Variants in DCDC1 observed in about 807,000 individuals in gnomAD.
The protein encoded by DCDC1 is doublecortin domain-containing protein 1.
A neutral mutation model predicts 178.3 loss-of-function variants in DCDC1; 200 were observed. That is an observed-to-expected ratio of 1.12 (90% CI 1.00 to 1.26). DCDC1 has a LOEUF of 1.26. Among genes scored for constraint, DCDC1 ranks in the 50% most tolerant of loss-of-function variants. The pLI is 0.00. For missense variants in DCDC1, 1,983 were observed against 1,749.2 expected (o/e 1.13, Z -2.38); for synonymous variants, 690 against 604.8 (o/e 1.14, Z -2.07).
At chr11:31,051,658 G>A (rs1187838540) in intron 20 of DCDC1, among the ~76,000 whole-genome samples, 1 of 152,132 alleles carries the variant, frequency 6.6e-6, no homozygotes, top group Non-Finnish European at 1.5e-5. Context: ...AGAAGGGATT[G>A]GGGACCTATC....
intron 18 of DCDC1, among the ~76,000 whole-genome samples, chr11:31,066,303 C>G (rs1956246141): frequency 6.6e-6 from 1 of 152,166 alleles, no homozygotes; most frequent in Non-Finnish European, 1.5e-5. Context: ...TGCAACAGCA[C>G]TTTGCAATGG....
At chr11:31,129,789 A>C (rs2135949269) in intron 10 of DCDC1, among the ~76,000 whole-genome samples, 1 of 152,018 alleles carries the variant, frequency 6.6e-6, no homozygotes, top group South Asian at 2.1e-4. Flanking sequence ...CCTCCACCAA[A>C]TTCATCCACC....
At chr11:31,128,788 T>G (rs1962009501) in intron 10 of DCDC1, among the ~76,000 whole-genome samples, 1 of 152,194 alleles carries the variant, frequency 6.6e-6, no homozygotes, top group South Asian at 2.1e-4. Context: ...CTGTCTAACC[T>G]ACAGTAAGTG....
At chr11:31,214,422 TA>T (rs1225601057) in intron 9 of DCDC1, among the ~76,000 whole-genome samples, 1 of 152,218 alleles carries the variant, frequency 6.6e-6, no homozygotes, top group Non-Finnish European at 1.5e-5. Flanking sequence ...AATTTGATTT[TA>T]ATTTTTTTTT....
At chr11:31,324,708 A>T (rs999358534) in intron 3 of DCDC1, among the ~76,000 whole-genome samples, 4 of 152,150 alleles carry the variant, frequency 2.6e-5, no homozygotes, top group African/African-American at 9.7e-5. Flanking sequence ...AAGTTGCTAA[A>T]CTTAAACTGT....
chr11:30,976,278 G>T (rs2134740111), intron 20 of DCDC1, among the ~76,000 whole-genome samples: 1 of 152,120 alleles, frequency 6.6e-6, no homozygotes, highest in East Asian at 1.9e-4. Context: ...TCTGTCTATG[G>T]ATATTATGGC....
chr11:30,945,697 AATCT>A (rs57930562), intron 21 of DCDC1, among the ~76,000 whole-genome samples: 55,457 of 146,470 alleles, frequency 0.38, 10,855 homozygotes, highest in Middle Eastern at 0.49. Context: ...CCATCTCAAA[AATCT>A]ATCTATCTAT....
intron 38 of DCDC1, among the ~76,000 whole-genome samples, chr11:30,866,388 CT>C (rs1169145034): frequency 2.0e-5 from 3 of 152,066 alleles, no homozygotes; most frequent in African/African-American, 7.2e-5. Flanking sequence ...CCAATGGTGC[CT>C]TCTTGCTGTG....
chr11:31,111,223 G>A (rs1022624445), intron 11 of DCDC1, among the ~76,000 whole-genome samples: 2 of 151,406 alleles, frequency 1.3e-5, no homozygotes, highest in Non-Finnish European at 2.9e-5. Context: ...CATCACATCA[G>A]CAGAGCCATT....
At chr11:31,306,104 A>G in intron 5 of DCDC1, 128 bp downstream of exon 5, 1 of 952,136 alleles carries the variant, frequency 1.1e-6, no homozygotes, top group Non-Finnish European at 1.4e-6. Flanking sequence ...AAATCTACGT[A>G]TATATAAGCA....
At chr11:31,264,742 T>C (rs1945026918) in intron 8 of DCDC1, among the ~76,000 whole-genome samples, 1 of 152,164 alleles carries the variant, frequency 6.6e-6, no homozygotes, top group Admixed American at 6.6e-5. Flanking sequence ...TCAAATTAAT[T>C]CCTACTCTGT....
chr11:31,146,985 C>T (rs1246310737), intron 9 of DCDC1, among the ~76,000 whole-genome samples: 3 of 152,144 alleles, frequency 2.0e-5, no homozygotes, highest in Admixed American at 6.5e-5. Flanking sequence ...TACAGCATAG[C>T]TTCTTCCTGT....
intron 9 of DCDC1, among the ~76,000 whole-genome samples, chr11:31,238,244 T>C (rs1364220369): frequency 6.6e-6 from 1 of 152,076 alleles, no homozygotes; most frequent in Non-Finnish European, 1.5e-5. Flanking sequence ...CCATTCTGAG[T>C]CATTACTTGT....
At chr11:31,348,770 G>A (rs1564916410) in intron 1 of DCDC1, among the ~76,000 whole-genome samples, 1 of 152,158 alleles carries the variant, frequency 6.6e-6, no homozygotes, top group African/African-American at 2.4e-5. Flanking sequence ...ATCTCCAATA[G>A]AGCTAGTCCA....
chr11:30,881,054 G>T, intron 37 of DCDC1, 104 bp downstream of exon 37: 1 of 1,293,052 alleles, frequency 7.7e-7, no homozygotes, highest in Non-Finnish European at 1.1e-6. Context: ...CTTGGGAGGG[G>T]ATAATTATTA....
rs556944335 is a variant in DCDC1 at position 30,868,667 on chromosome 11, CTT to C, written c.*41-3337_*41-3336del. Among the ~76,000 whole-genome samples, 152 of 152,238 alleles carry C rather than the reference CTT, an allele frequency of 1.0e-3. 2 individuals carry two copies. The highest frequency in any genetic ancestry group is 3.4e-3 in the African/African-American group (140 of 41,544). On this transcript the variant is annotated intron_variant, in intron 38 of 38. Transcript: ENST00000684477. ...ACAGAGGATGTGAGAAGCAGTGACTCTTGTTTGGAAATCTTCTAAATTGGCTG... is the reference window on the plus strand; with the variant it reads ...ACAGAGGATGTGAGAAGCAGTGACTCGTTTGGAAATCTTCTAAATTGGCTG...
At chr11:30,940,258 C>T (rs896027697) in intron 21 of DCDC1, among the ~76,000 whole-genome samples, 3 of 152,018 alleles carry the variant, frequency 2.0e-5, no homozygotes, top group African/African-American at 7.3e-5. Flanking sequence ...AATCATCAGG[C>T]CTCCCAGACA....
chr11:31,346,770 G>A (rs1255275458), intron 1 of DCDC1, among the ~76,000 whole-genome samples: 1 of 152,170 alleles, frequency 6.6e-6, no homozygotes, highest in Admixed American at 6.5e-5. Flanking sequence ...AAGAGTAAGG[G>A]AGTAAAGGTA....
At chr11:31,120,514 T>A (rs369248611) in intron 11 of DCDC1, among the ~76,000 whole-genome samples, 1 of 152,160 alleles carries the variant, frequency 6.6e-6, no homozygotes, top group South Asian at 2.1e-4. Context: ...TTTCTCATTC[T>A]AAATAAATAT....
Sources: gnomAD v4.1 joint callset for allele counts (sites outside exome capture counted in the v4.1 genomes callset) on GRCh38, gnomAD v4.1.1 for gene constraint, MANE v1.5 for transcripts, NCBI Gene and HGNC (gene_info 2026-07-23, HGNC 2026-07-21) for gene names.